The following DPP9 variants were observed in gnomAD, a reference collection of about 807,000 sequenced individuals.
DPP9 encodes dipeptidyl peptidase IV-related protein-2.
In DPP9, 50 loss-of-function variants were observed where a neutral mutation model predicts 110.7. That is an observed-to-expected ratio of 0.45 (90% CI 0.36 to 0.57). DPP9 has a LOEUF of 0.57. DPP9 is among the 20% of genes least tolerant of loss of function. The pLI, the probability that DPP9 is intolerant of heterozygous loss-of-function variation, is 0.00. For missense variants in DPP9, 1,022 were observed against 1,217.9 expected (o/e 0.84, Z 2.39); for synonymous variants, 561 against 514.4 (o/e 1.09, Z -1.23).
Position 4,684,922 on chromosome 19 carries a change from T to C in DPP9, c.2032-113A>G. ...GCCGGGCTGGGGCCTCAGAGCCTAA[T>C]GAAAGCACCTGTGCCCCGGAGGCTC... On this transcript the variant is annotated intron_variant, in intron 17 of 21. Transcript: ENST00000262960. This position sits in a 1 kb window ranked among gnomAD's most constrained non-coding sequence, Gnocchi z 4.8. 1 of 1,361,126 alleles carries C rather than the reference T, an allele frequency of 7.3e-7. No homozygotes were observed. Among genetic ancestry groups the C allele is most frequent in the Non-Finnish European group, 1.0e-6 (1 of 982,254 alleles). The allele number at this position is 1,361,126 out of a possible 1,614,324, so 84.3% of individuals were successfully genotyped here.
chr19:4,690,248 G>A (rs886677685), intron 14 of DPP9, among the ~76,000 whole-genome samples: 2 of 152,236 alleles, frequency 1.3e-5, no homozygotes, highest in African/African-American at 2.4e-5. Context: ...CTTCACCTGT[G>A]CTGGGATGCT....
rs375523441 is a variant in DPP9, at chr19:4,689,378, TG to T, written c.1749+191del. Among the ~76,000 whole-genome samples the T allele has an allele frequency of 5.9e-5, 9 of 152,230 alleles. No homozygotes were observed. The highest frequency in any genetic ancestry group is 1.9e-4 in the African/African-American group (8 of 41,572). ...GCTCCACCACTTACTACCCTGGGAT[TG>T]GTGGTGGGCAATTCACTCCCTTCCC... On this transcript the variant is annotated intron_variant, in intron 15 of 21. Transcript: ENST00000262960. This position sits in a 1 kb window ranked among gnomAD's most constrained non-coding sequence, Gnocchi z 7.0.
rs2091243241 is a variant in DPP9 at position 4,690,771 on chromosome 19, A to G, written c.1596+107T>C. On this transcript the variant is annotated intron_variant, in intron 14 of 21. Coordinates refer to ENST00000262960, the MANE Select transcript of DPP9 (RefSeq NM_139159.5). ...CGTGTGTGTATGTGTGAGAATGAGT[A>G]TGTGTGTGAGTGTATGTGTGTGTAT... 22 of 866,012 alleles carry G rather than the reference A, an allele frequency of 2.5e-5. 1 individual carries two copies. In the South Asian group the frequency reaches 3.2e-4, roughly 13 times the overall value. 53.6% of individuals were successfully genotyped at this position (866,012 alleles called of 1,614,324 possible). A position where few individuals can be genotyped will look rare whatever the true frequency, so the allele number is the denominator to read the frequency against.
intron 10 of DPP9, among the ~76,000 whole-genome samples, chr19:4,699,158 CAAAAAAAAAAA>C (rs144927941): frequency 5.9e-5 from 3 of 50,934 alleles, no homozygotes; most frequent in East Asian, 6.6e-4. Flanking sequence ...GACTCCACCT[CAAAAAAAAAAA>C]AAAAAAAAAA....
intron 4 of DPP9, among the ~76,000 whole-genome samples, chr19:4,709,678 A>G (rs1241961150): frequency 6.6e-6 from 1 of 152,130 alleles, no homozygotes; most frequent in Non-Finnish European, 1.5e-5. Context: ...GGGGCGAGTG[A>G]ATGTTCTAGA....
intron 11 of DPP9, among the ~76,000 whole-genome samples, chr19:4,697,350 G>A (rs1439831703): frequency 2.0e-5 from 3 of 152,214 alleles, no homozygotes; most frequent in Non-Finnish European, 4.4e-5. Context: ...GGACTCATAA[G>A]TCCAGTGTTT....
chr19:4,683,109 C>T (rs1408983815), intron 19 of DPP9: 1 of 1,479,980 alleles, frequency 6.8e-7, no homozygotes, highest in East Asian at 2.8e-5. Flanking sequence ...GCCTCCTCCT[C>T]CTCCTCATCG....
intron 4 of DPP9, among the ~76,000 whole-genome samples, chr19:4,708,114 C>T (rs66461868): frequency 0.12 from 18,305 of 152,154 alleles, 1,444 homozygotes; most frequent in African/African-American, 0.22. Context: ...GTGGCTCAGC[C>T]AGCTGCAGGT....
intron 16 of DPP9, among the ~76,000 whole-genome samples, chr19:4,686,646 G>A (rs950286935): frequency 2.0e-5 from 3 of 152,004 alleles, no homozygotes; most frequent in African/African-American, 2.4e-5. Flanking sequence ...TGGGTGACCC[G>A]CACACCTTGG....
chr19:4,692,168 T>C (rs1455352839), intron 13 of DPP9, among the ~76,000 whole-genome samples: 1 of 152,090 alleles, frequency 6.6e-6, no homozygotes, highest in African/African-American at 2.4e-5. Context: ...AAGGCTCTGC[T>C]GGTTTTATGA....
intron 10 of DPP9, among the ~76,000 whole-genome samples, chr19:4,699,911 TGGGAGCA>T (rs2092116007): frequency 6.6e-6 from 1 of 152,184 alleles, no homozygotes; most frequent in South Asian, 2.1e-4. Context: ...CGAGGTGGCC[TGGGAGCA>T]CCTGCCGCGC....
Position 4,687,527 on chromosome 19 carries a change from T to C in DPP9, c.1885+1230A>G, listed in dbSNP as rs1337703231. On this transcript the variant is annotated intron_variant, in intron 16 of 21. Transcript: ENST00000262960. The surrounding 1 kb of genome is among the most constrained non-coding windows in gnomAD (Gnocchi z 4.7). The stretch of plus-strand genomic sequence containing the variant: ...CAACTTCCAGGTTCTGGGCAAGGTG[T>C]CAGGTTGCCTCATTTCCTGAGGCCC... Among the ~76,000 whole-genome samples, 2 of 152,136 alleles carry C rather than the reference T, an allele frequency of 1.3e-5. No individual in the cohort carries two copies. The highest frequency in any genetic ancestry group is 2.9e-5 in the Non-Finnish European group (2 of 68,016).
Position 4,694,067 on chromosome 19 carries a change from G to A in DPP9, c.1516+594C>T, listed in dbSNP as rs1319293618. Among the ~76,000 whole-genome samples, 2 of 150,930 alleles carry A rather than the reference G, an allele frequency of 1.3e-5. No homozygotes were observed. Among genetic ancestry groups the A allele is most frequent in the South Asian group, 2.1e-4 (1 of 4,826 alleles). ...GCCCGACTGCATTTCCTTCCACCAC[G>A]CACATCACACCAGAGGCAGCACCTC... On this transcript the variant is annotated intron_variant, in intron 13 of 21. Coordinates refer to ENST00000262960, the MANE Select transcript of DPP9 (RefSeq NM_139159.5). This position sits in a 1 kb window ranked among gnomAD's most constrained non-coding sequence, Gnocchi z 4.0.
Position 4,702,015 on chromosome 19 carries a change from C to T in DPP9, c.1012+12G>A, listed in dbSNP as rs766081209. 19 of 1,611,584 alleles carry T rather than the reference C, an allele frequency of 1.2e-5. No individual in the cohort carries two copies. Among genetic ancestry groups the T allele is most frequent in the East Asian group, 2.2e-5 (1 of 44,890 alleles). Reference sequence around the variant, plus strand: ...TCCCCGGCCCAGCCCCTCACATGTACCGGGCACTCACCTGTCCTGGGGTAC... The same window carrying T: ...TCCCCGGCCCAGCCCCTCACATGTATCGGGCACTCACCTGTCCTGGGGTAC... On this transcript the variant is annotated intron_variant, in intron 9 of 21. Transcript: ENST00000262960.
chr19:4,690,344 G>C (rs927156323), intron 14 of DPP9, among the ~76,000 whole-genome samples: 1 of 152,248 alleles, frequency 6.6e-6, no homozygotes, highest in Non-Finnish European at 1.5e-5. Flanking sequence ...TCAGAGCCCC[G>C]AGGGAGGAGA....
intron 21 of DPP9, chr19:4,679,535 T>G: frequency 1.7e-5 from 7 of 404,406 alleles, no homozygotes; most frequent in Non-Finnish European, 1.8e-5. Flanking sequence ...TGCGGGGCAA[T>G]TTCGGTAAGG....
chr19:4,702,233 G>A, intron 8 of DPP9, 78 bp from the exon 9 acceptor site: 1 of 1,508,224 alleles, frequency 6.6e-7, no homozygotes, highest in Non-Finnish European at 8.9e-7. Context: ...GCCCCCTGCA[G>A]CACCGGGGCC....
rs752096047 is a variant in DPP9, at chr19:4,700,172, C to T, written c.1074+44G>A. On this transcript the variant is annotated intron_variant, in intron 10 of 21. Coordinates refer to ENST00000262960, the MANE Select transcript of DPP9 (RefSeq NM_139159.5). The surrounding 1 kb of genome is among the most constrained non-coding windows in gnomAD (Gnocchi z 4.3). Reference sequence around the variant, plus strand: ...CCCAGCTGCCTACCCGGCCCTTCCCCGCATCATCTAGTAGATTATCTGGTA... The same window carrying T: ...CCCAGCTGCCTACCCGGCCCTTCCCTGCATCATCTAGTAGATTATCTGGTA... The T allele has an allele frequency of 4.3e-5, 63 of 1,472,322 alleles. No individual in the cohort carries two copies. Among genetic ancestry groups the T allele is most frequent in the Non-Finnish European group, 5.6e-5 (61 of 1,086,452 alleles). The allele number at this position is 1,472,322 out of a possible 1,614,324, so 91.2% of individuals were successfully genotyped here. A position where few individuals can be genotyped will look rare whatever the true frequency, so the allele number is the denominator to read the frequency against.
At chr19:4,679,686 G>A (rs2089519677) in intron 21 of DPP9, 149 bp downstream of exon 21, 4 of 619,814 alleles carry the variant, frequency 6.5e-6, no homozygotes, top group East Asian at 2.8e-5. Flanking sequence ...GGAGGGCGGG[G>A]ACACAGGGCT....
Sources: gnomAD v4.1 joint callset for allele counts (sites outside exome capture counted in the v4.1 genomes callset) on GRCh38, gnomAD v4.1.1 for gene constraint, Gnocchi (gnomAD v3.1) non-coding constraint, MANE v1.5 for transcripts, NCBI Gene and HGNC (gene_info 2026-07-23, HGNC 2026-07-21) for gene names.